MARCHF1: variants seen among roughly 807,000 people sequenced by gnomAD.
MARCHF1 encodes the protein E3 ubiquitin-protein ligase MARCHF1.
In MARCHF1, 40 loss-of-function variants were observed where a neutral mutation model predicts 54.2. The ratio of observed to expected loss-of-function variants is 0.74; its 90% CI spans 0.57 to 0.96. The LOEUF is 0.96. Ranked by LOEUF, MARCHF1 falls within the 40% of genes least tolerant of loss-of-function variation. The pLI, the probability that MARCHF1 is intolerant of heterozygous loss-of-function variation, is 0.00. For synonymous variants in MARCHF1, 236 were observed against 236.3 expected, an observed-to-expected ratio of 1.00 and a Z score of 0.01; for missense variants, 586 against 656.5, an observed-to-expected ratio of 0.89 and a Z score of 1.17.
intron 1 of MARCHF1, chr4:164,329,879 C>A (rs529563069): frequency 6.6e-6 from 1 of 152,304 alleles, no homozygotes; most frequent in African/African-American, 2.4e-5. Context: ...TCCTACCAGG[C>A]CCCACCTCCA....
At chr4:163,585,206 C>A (rs1740367487) in intron 8 of MARCHF1, 1 of 152,174 alleles carries the variant, frequency 6.6e-6, no homozygotes, top group African/African-American at 2.4e-5. Context: ...GAAAATAGTA[C>A]TTTTTATTTC....
chr4:164,378,761 G>C (rs1030356226), intron 1 of MARCHF1, among the ~76,000 whole-genome samples: 1 of 152,146 alleles, frequency 6.6e-6, no homozygotes, highest in Non-Finnish European at 1.5e-5. Context: ...ACCGAGGCTG[G>C]AGTGCAATGG....
chr4:163,649,063 G>C (rs750402801), intron 5 of MARCHF1, among the ~76,000 whole-genome samples: 1 of 151,968 alleles, frequency 6.6e-6, no homozygotes. Flanking sequence ...GAGATCCAAG[G>C]CTTATGTGAT....
chr4:163,714,819 G>A (rs1158464637), intron 4 of MARCHF1, among the ~76,000 whole-genome samples: 2 of 152,028 alleles, frequency 1.3e-5, no homozygotes, highest in Non-Finnish European at 2.9e-5. Flanking sequence ...ACAGGCACAT[G>A]TCACTTTGCC....
intron 9 of MARCHF1, 24 bp downstream of exon 9, chr4:163,545,572 G>A (rs200399363): frequency 1.1e-5 from 17 of 1,605,326 alleles, no homozygotes; most frequent in South Asian, 2.2e-5. Context: ...ATCCAAGAGG[G>A]TAAGAAGAAA....
At chr4:164,268,078 A>T (rs929971812) in intron 1 of MARCHF1, among the ~76,000 whole-genome samples, 1 of 152,186 alleles carries the variant, frequency 6.6e-6, no homozygotes, top group African/African-American at 2.4e-5. Flanking sequence ...TAACACACAC[A>T]CAAAAATCAC....
At chr4:164,249,417 T>C (rs779826829) in intron 1 of MARCHF1, among the ~76,000 whole-genome samples, 8 of 152,048 alleles carry the variant, frequency 5.3e-5, no homozygotes, top group Non-Finnish European at 1.2e-4. Context: ...GAAATGAAAA[T>C]ATGTGATGTA....
intron 4 of MARCHF1, among the ~76,000 whole-genome samples, chr4:163,798,536 T>A (rs1006062987): frequency 2.6e-5 from 4 of 152,174 alleles, no homozygotes; most frequent in Non-Finnish European, 5.9e-5. Flanking sequence ...AAATGTGTTA[T>A]GTCTCCATTA....
chr4:164,287,441 A>G (rs76840843), intron 1 of MARCHF1, among the ~76,000 whole-genome samples: 3,727 of 152,296 alleles, frequency 0.024, 105 homozygotes, highest in East Asian at 0.13. Flanking sequence ...CAGTTTCACA[A>G]CAGTGAAGAT....
At chr4:163,917,249 C>T (rs1345932606) in intron 3 of MARCHF1, among the ~76,000 whole-genome samples, 2 of 152,142 alleles carry the variant, frequency 1.3e-5, no homozygotes, top group African/African-American at 4.8e-5. Context: ...TTAGGATCTT[C>T]AACTCCTGTG....
At chr4:163,639,309 G>A (rs1414774314) in intron 5 of MARCHF1, among the ~76,000 whole-genome samples, 1 of 152,094 alleles carries the variant, frequency 6.6e-6, no homozygotes, top group Non-Finnish European at 1.5e-5. Flanking sequence ...ATAATTACAT[G>A]AGTTGCACTG....
chr4:163,528,319 A>ATGTT lies in MARCHF1; in HGVS notation c.*425_*428dup, dbSNP rs560661902. On this transcript the variant is annotated 3_prime_UTR_variant, in exon 10 of 10. Transcript: ENST00000514618. ...GACAATTTCAGGCTTAAAACCAAATATGTTAGTTATTTCCAGATGAGACAG... is the reference window on the plus strand; with the variant it reads ...GACAATTTCAGGCTTAAAACCAAATATGTTTGTTAGTTATTTCCAGATGAGACAG... The ATGTT allele has an allele frequency of 8.7e-4, 93 of 106,536 alleles. No homozygotes were observed. Among genetic ancestry groups the ATGTT allele is most frequent in the South Asian group, 7.1e-3 (28 of 3,970 alleles). The allele number at this position is 106,536 out of a possible 1,614,324, so 6.6% of individuals were successfully genotyped here.
chr4:164,164,979 A>C (rs1730333376), intron 1 of MARCHF1, among the ~76,000 whole-genome samples: 1 of 152,036 alleles, frequency 6.6e-6, no homozygotes, highest in Non-Finnish European at 1.5e-5. Context: ...AAGAAGCTCA[A>C]CTTCAGCAAG....
intron 4 of MARCHF1, among the ~76,000 whole-genome samples, chr4:163,814,606 T>C (rs933560454): frequency 1.3e-5 from 2 of 151,982 alleles, no homozygotes; most frequent in Non-Finnish European, 2.9e-5. Context: ...AATAAAAAAT[T>C]GTTTGCTGTG....
chr4:164,322,150 A>G (rs1245256574), intron 1 of MARCHF1, among the ~76,000 whole-genome samples: 2 of 152,120 alleles, frequency 1.3e-5, no homozygotes, highest in African/African-American at 4.8e-5. Flanking sequence ...ATGGTTATCT[A>G]TGAAAGCAAT....
At chr4:163,956,679 G>GTGT (rs1459050988) in intron 3 of MARCHF1, among the ~76,000 whole-genome samples, 4 of 152,112 alleles carry the variant, frequency 2.6e-5, no homozygotes, top group Non-Finnish European at 1.5e-5. Context: ...CACAGTTTAT[G>GTGT]TGTTGAGATA....
At chr4:163,889,473 A>G (rs1424766101) in intron 3 of MARCHF1, among the ~76,000 whole-genome samples, 1 of 14,214 alleles carries the variant, frequency 7.0e-5, no homozygotes, top group African/African-American at 8.6e-5. Context: ...CAATGAGAGC[A>G]GGGAAAATTT....
intron 1 of MARCHF1, among the ~76,000 whole-genome samples, chr4:164,360,461 T>C (rs1248898234): frequency 6.6e-6 from 1 of 152,116 alleles, no homozygotes; most frequent in African/African-American, 2.4e-5. Context: ...ACTAAGACAA[T>C]AAAAAACAAT....
chr4:164,346,881 C>T (rs1730121620), intron 1 of MARCHF1, among the ~76,000 whole-genome samples: 1 of 151,736 alleles, frequency 6.6e-6, no homozygotes, highest in Non-Finnish European at 1.5e-5. Flanking sequence ...TCAGGAGTAT[C>T]CCTCTTTAAA....
Sources: gnomAD v4.1 joint callset for allele counts (sites outside exome capture counted in the v4.1 genomes callset) on GRCh38, gnomAD v4.1.1 for gene constraint, MANE v1.5 for transcripts, NCBI Gene and HGNC (gene_info 2026-07-23, HGNC 2026-07-21) for gene names.